Variants in GSG1L observed in about 807,000 individuals in gnomAD.
The protein encoded by GSG1L is GSG1 like.
GSG1L carries 24 observed loss-of-function variants against 42.1 expected under a neutral mutation model. The ratio of observed to expected loss-of-function variants is 0.57; its 90% CI spans 0.41 to 0.80. The LOEUF (loss-of-function observed/expected upper bound fraction) is 0.80, where lower values mean the gene tolerates loss of function less well. GSG1L is among the 30% of genes least tolerant of loss of function. The pLI is 0.00. For missense variants in GSG1L, 445 were observed against 472.2 expected, an observed-to-expected ratio of 0.94 and a Z score of 0.53; for synonymous variants, 215 against 203.5, an observed-to-expected ratio of 1.06 and a Z score of -0.48.
At chr16:27,803,832 TAGATATATAG>T (rs1484766158) in intron 6 of GSG1L, among the ~76,000 whole-genome samples, 1 of 149,234 alleles carries the variant, frequency 6.7e-6, no homozygotes, top group Non-Finnish European at 1.5e-5. Context: ...GATATAGATA[TAGATATATAG>T]ATAGATAGAT....
Position 27,788,910 on chromosome 16 carries a change from C to T in GSG1L, c.*2460G>A, listed in dbSNP as rs187188541. 121 of 152,380 alleles carry T rather than the reference C, an allele frequency of 7.9e-4. No homozygotes were observed. Among genetic ancestry groups the T allele is most frequent in the Non-Finnish European group, 1.4e-3 (97 of 68,048 alleles). The allele number at this position is 152,380 out of a possible 1,614,324, so 9.4% of individuals were successfully genotyped here. ...ACAAGTGGAGAAGGTGGAATCTGAACCCAGGCTCACGACAATAGATGCCCT... is the reference window on the plus strand; with the variant it reads ...ACAAGTGGAGAAGGTGGAATCTGAATCCAGGCTCACGACAATAGATGCCCT... On this transcript the variant is annotated 3_prime_UTR_variant, in exon 7 of 7. Coordinates refer to ENST00000447459, the MANE Select transcript of GSG1L (RefSeq NM_001109763.2).
intron 2 of GSG1L, among the ~76,000 whole-genome samples, chr16:27,898,963 C>CTAT (rs2084224966): frequency 1.3e-5 from 2 of 152,176 alleles, no homozygotes; most frequent in African/African-American, 4.8e-5. Context: ...TCACCCCTCC[C>CTAT]TATTGTTTGC....
At chr16:27,979,749 G>GGAAAGAAA (rs71140937) in intron 1 of GSG1L, among the ~76,000 whole-genome samples, 22,469 of 97,868 alleles carry the variant, frequency 0.23, 3,637 homozygotes, top group South Asian at 0.33. Context: ...AAGAAAGAAA[G>GGAAAGAAA]GAAAGAAAGA....
intron 3 of GSG1L, among the ~76,000 whole-genome samples, chr16:27,873,018 C>T (rs1278895925): frequency 6.6e-6 from 1 of 152,216 alleles, no homozygotes; most frequent in African/African-American, 2.4e-5. Context: ...TCACTTTACT[C>T]TATGGACTTG....
chr16:27,994,892 G>A (rs1038245577), intron 1 of GSG1L, among the ~76,000 whole-genome samples: 2 of 152,160 alleles, frequency 1.3e-5, no homozygotes, highest in Non-Finnish European at 2.9e-5. Context: ...TCCCTGAATC[G>A]TGCAGTGCAC....
At chr16:27,801,700 C>T (rs2082884271) in intron 6 of GSG1L, among the ~76,000 whole-genome samples, 1 of 152,162 alleles carries the variant, frequency 6.6e-6, no homozygotes, top group Admixed American at 6.5e-5. Flanking sequence ...CAGTACCCTG[C>T]CCAACCAATG....
intron 2 of GSG1L, among the ~76,000 whole-genome samples, chr16:27,915,441 G>T (rs780807693): frequency 1.2e-4 from 19 of 152,164 alleles, no homozygotes; most frequent in Non-Finnish European, 2.4e-4. Flanking sequence ...AGGGCAGGGC[G>T]CTGAGCAAGC....
At position 27,888,464 on chromosome 16, in the gene GSG1L, C is replaced by CT. The variant is rs59650383; in HGVS notation, c.398-3827dup. Among the ~76,000 whole-genome samples, 36 of 10,988 alleles carry CT rather than the reference C, an allele frequency of 3.3e-3. 4 individuals are homozygous for CT. The highest frequency in any genetic ancestry group is 8.2e-3 in the Admixed American group (6 of 730). The allele number at this position is 10,988 out of a possible 152,430, so 7.2% of individuals were successfully genotyped here. A position where few individuals can be genotyped will look rare whatever the true frequency, so the allele number is the denominator to read the frequency against. ...TCTTTCTTTCTTTCTTTCTTTCTTT[C>CT]TCTCTCTCTCTCTCTTTCCTTTCTT... is the stretch of plus-strand genomic sequence containing the variant. On this transcript the variant is annotated intron_variant, in intron 2 of 6. Coordinates refer to ENST00000447459, the MANE Select transcript of GSG1L (RefSeq NM_001109763.2).
chr16:27,813,003 C>T (rs2083050848), intron 5 of GSG1L, among the ~76,000 whole-genome samples: 1 of 152,126 alleles, frequency 6.6e-6, no homozygotes, highest in Non-Finnish European at 1.5e-5. Context: ...TGGTCTCCAA[C>T]TCCTGACTTC....
intron 3 of GSG1L, among the ~76,000 whole-genome samples, chr16:27,872,438 T>C (rs1230831431): frequency 1.3e-5 from 2 of 152,076 alleles, no homozygotes; most frequent in Non-Finnish European, 2.9e-5. Context: ...AACTATAAAA[T>C]GGGGACAATA....
chr16:27,954,052 C>A (rs927826759), intron 2 of GSG1L, among the ~76,000 whole-genome samples: 4 of 152,032 alleles, frequency 2.6e-5, no homozygotes, highest in Non-Finnish European at 4.4e-5. Flanking sequence ...TATTGTGGAC[C>A]AGCTGAGTTT....
intron 1 of GSG1L, among the ~76,000 whole-genome samples, chr16:28,057,229 C>T (rs1490648464): frequency 6.6e-6 from 1 of 152,140 alleles, no homozygotes; most frequent in East Asian, 1.9e-4. Flanking sequence ...ACAGGGAACC[C>T]TCCAGCCACC....
chr16:28,007,500 T>TTGGTTGGTTGGTTGG (rs557039226), intron 1 of GSG1L, among the ~76,000 whole-genome samples: 2 of 96,392 alleles, frequency 2.1e-5, no homozygotes, highest in Non-Finnish European at 4.3e-5. Flanking sequence ...GGTTGGTTGG[T>TTGGTTGGTTGGTTGG]TGGTTGGTTG....
intron 1 of GSG1L, among the ~76,000 whole-genome samples, chr16:27,971,778 GT>G (rs940419595): frequency 4.6e-5 from 7 of 152,072 alleles, no homozygotes; most frequent in Non-Finnish European, 1.0e-4. Flanking sequence ...TAGCTGTGGG[GT>G]TTTTTTAATA....
chr16:27,968,557 C>T (rs2085159346), intron 1 of GSG1L, among the ~76,000 whole-genome samples: 1 of 152,126 alleles, frequency 6.6e-6, no homozygotes, highest in Admixed American at 6.6e-5. Flanking sequence ...GGCCCTAAAA[C>T]ATTTTCATGG....
At chr16:27,978,867 A>C (rs898027489) in intron 1 of GSG1L, among the ~76,000 whole-genome samples, 4 of 152,068 alleles carry the variant, frequency 2.6e-5, no homozygotes, top group African/African-American at 9.7e-5. Context: ...AAGGCTAAAT[A>C]AGGTCATTGG....
At chr16:28,023,549 C>T (rs142287682) in intron 1 of GSG1L, among the ~76,000 whole-genome samples, 59 of 152,318 alleles carry the variant, frequency 3.9e-4, no homozygotes, top group African/African-American at 1.4e-3. Context: ...TGTGGTCGGG[C>T]CAGTTCCTGT....
rs191425070 is a variant in GSG1L at position 27,966,230 on chromosome 16, C to T, written c.350-3027G>A. Among the ~76,000 whole-genome samples the T allele has an allele frequency of 3.3e-5, 5 of 152,348 alleles. No individual in the cohort carries two copies. The East Asian group carries it at 9.6e-4, about 29-fold the overall frequency. On this transcript the variant is annotated intron_variant, in intron 1 of 6. Coordinates refer to ENST00000447459, the MANE Select transcript of GSG1L (RefSeq NM_001109763.2). Reference sequence around the variant, plus strand: ...ATGTCCCTCCCCTGACACTCTCCATCTTCCTTCTGGATGGATTCCTAACAG... The same window carrying T: ...ATGTCCCTCCCCTGACACTCTCCATTTTCCTTCTGGATGGATTCCTAACAG...
rs551575673 is a variant in GSG1L at position 27,831,354 on chromosome 16, C to T, written c.663-2398G>A. ...ATTTTTTTTCCTTGATTTTTTTCTA[C>T]CCTGAAGCCAGTTTGAATTGAGTTT... On this transcript the variant is annotated intron_variant, in intron 4 of 6. Coordinates refer to ENST00000447459, the MANE Select transcript of GSG1L (RefSeq NM_001109763.2). Among the ~76,000 whole-genome samples, 180 of 152,200 alleles carry T rather than the reference C, an allele frequency of 1.2e-3. 1 individual carries two copies. Among genetic ancestry groups the T allele is most frequent in the African/African-American group, 4.0e-3 (168 of 41,524 alleles).
Sources: allele counts gnomAD v4.1 joint callset (sites outside exome capture counted in the v4.1 genomes callset), GRCh38; gene constraint gnomAD v4.1.1; transcripts MANE v1.5; gene names NCBI Gene and HGNC (gene_info 2026-07-23, HGNC 2026-07-21).